The following PCLO variants were observed in gnomAD, a reference collection of about 807,000 sequenced individuals.
PCLO encodes protein piccolo.
In PCLO, 82 loss-of-function variants were observed where a neutral mutation model predicts 427.5. The ratio of observed to expected loss-of-function variants is 0.19; its 90% confidence interval spans 0.16 to 0.23. The LOEUF (loss-of-function observed/expected upper bound fraction) is 0.23, where lower values mean the gene tolerates loss of function less well. Among genes scored for constraint, PCLO ranks in the 10% least tolerant of loss-of-function variants. The pLI, the probability that PCLO is intolerant of heterozygous loss-of-function variation, is 1.00. For missense variants in PCLO, 6,239 were observed against 6,115.9 expected, an observed-to-expected ratio of 1.02 and a Z score of -0.67; for synonymous variants, 2,357 against 2,155.4, an observed-to-expected ratio of 1.09 and a Z score of -2.59.
chr7:82,863,548 G>T (rs927794725), intron 10 of PCLO, among the ~76,000 whole-genome samples: 1 of 151,804 alleles, frequency 6.6e-6, no homozygotes, highest in Non-Finnish European at 1.5e-5. Flanking sequence ...TTAATAAATA[G>T]AATTCAATTT....
chr7:83,128,196 A>G (rs543337337), intron 3 of PCLO, among the ~76,000 whole-genome samples: 3 of 152,192 alleles, frequency 2.0e-5, no homozygotes, highest in African/African-American at 7.2e-5. Context: ...CGAGACAGGG[A>G]TAAAGCCCAA....
intron 17 of PCLO, among the ~76,000 whole-genome samples, chr7:82,827,543 T>G (rs1379051054): frequency 6.6e-6 from 1 of 152,094 alleles, no homozygotes; most frequent in Non-Finnish European, 1.5e-5. Context: ...TATAGCCAGT[T>G]GGAAAATGTG....
intron 6 of PCLO, among the ~76,000 whole-genome samples, chr7:82,932,742 G>A (rs1158367384): frequency 6.6e-6 from 1 of 152,078 alleles, no homozygotes; most frequent in African/African-American, 2.4e-5. Flanking sequence ...CAAATGACAA[G>A]TATGCCTGTA....
chr7:83,066,001 C>G (rs752710143), intron 3 of PCLO, among the ~76,000 whole-genome samples: 1 of 152,078 alleles, frequency 6.6e-6, no homozygotes, highest in Non-Finnish European at 1.5e-5. Flanking sequence ...TGTATTCATC[C>G]ATGTTTCTGG....
At chr7:83,029,124 A>C (rs1489241071) in intron 3 of PCLO, among the ~76,000 whole-genome samples, 1 of 151,342 alleles carries the variant, frequency 6.6e-6, no homozygotes, top group Non-Finnish European at 1.5e-5. Context: ...TAATTAAACT[A>C]AAGAGCTTCT....
intron 3 of PCLO, among the ~76,000 whole-genome samples, chr7:83,051,780 C>T (rs1383883650): frequency 6.6e-6 from 1 of 152,100 alleles, no homozygotes; most frequent in Non-Finnish European, 1.5e-5. Context: ...AGTTGAAGGG[C>T]TGTCACGACA....
In PCLO at chr7:83,001,262, C is replaced by T. The variant is rs368949878; in HGVS notation, c.3301-34775G>A. On this transcript the variant is annotated intron_variant, in intron 3 of 24. Transcript: ENST00000333891. ...GGCAGGTAAAAAGATTCAAGACGTACGGGTACAGAAAGAGAAACAGCCAAA... is the reference window on the plus strand; with the variant it reads ...GGCAGGTAAAAAGATTCAAGACGTATGGGTACAGAAAGAGAAACAGCCAAA... 2.8e-4 allele frequency among the ~76,000 whole-genome samples: 43 copies of T among 151,878 alleles called. No homozygotes were observed. The South Asian group carries it at 3.1e-3, about 11-fold the overall frequency.
intron 3 of PCLO, among the ~76,000 whole-genome samples, chr7:83,000,437 G>T (rs1787793045): frequency 6.6e-6 from 1 of 151,956 alleles, no homozygotes; most frequent in African/African-American, 2.4e-5. Flanking sequence ...AATGTTAAAA[G>T]AAGTCCTTTA....
At chr7:82,858,348 T>C (rs1425708054) in intron 10 of PCLO, among the ~76,000 whole-genome samples, 2 of 152,182 alleles carry the variant, frequency 1.3e-5, no homozygotes, top group Admixed American at 6.5e-5. Flanking sequence ...ATGACAAATC[T>C]GCAACTAATA....
chr7:83,073,194 T>C (rs1241354121), intron 3 of PCLO, among the ~76,000 whole-genome samples: 3 of 152,028 alleles, frequency 2.0e-5, no homozygotes, highest in African/African-American at 4.8e-5. Context: ...TAAGATAATA[T>C]ACAATATTAA....
intron 12 of PCLO, 35 bp downstream of exon 12, chr7:82,846,528 CTCTT>C (rs1792507174): frequency 7.7e-7 from 1 of 1,305,930 alleles, no homozygotes; most frequent in Non-Finnish European, 1.1e-6. Flanking sequence ...CTATTTCTAT[CTCTT>C]TATTTACAGT....
intron 15 of PCLO, among the ~76,000 whole-genome samples, chr7:82,837,815 C>T (rs1792267061): frequency 1.3e-5 from 2 of 151,876 alleles, no homozygotes; most frequent in Non-Finnish European, 2.9e-5. Flanking sequence ...ATACACATGT[C>T]CTATAAAAAT....
intron 10 of PCLO, among the ~76,000 whole-genome samples, chr7:82,868,744 A>C (rs1453446441): frequency 6.6e-6 from 1 of 152,164 alleles, no homozygotes; most frequent in Non-Finnish European, 1.5e-5. Flanking sequence ...ATGCTGTGTT[A>C]CCACTGATTC....
At chr7:82,829,276 T>C (rs924739698) in intron 16 of PCLO, among the ~76,000 whole-genome samples, 1 of 152,090 alleles carries the variant, frequency 6.6e-6, no homozygotes, top group South Asian at 2.1e-4. Flanking sequence ...GTTCTGGTGG[T>C]GGGAGGTGGG....
At chr7:82,825,690 T>A (rs2115670837) in intron 18 of PCLO, among the ~76,000 whole-genome samples, 1 of 148,104 alleles carries the variant, frequency 6.8e-6, no homozygotes, top group African/African-American at 2.4e-5. Flanking sequence ...ATATATACAT[T>A]ATATATACAC....
chr7:82,780,053 C>T (rs1790839898), intron 22 of PCLO, among the ~76,000 whole-genome samples: 1 of 152,070 alleles, frequency 6.6e-6, no homozygotes, highest in Non-Finnish European at 1.5e-5. Flanking sequence ...TATTGTAAAC[C>T]TCTTTCTCAC....
Position 83,156,357 on chromosome 7 carries a change from T to C in PCLO, c.284A>G (p.Gln95Arg), listed in dbSNP as rs1288973610. The C allele has an allele frequency of 6.2e-7, 1 of 1,611,002 alleles. No homozygotes were observed. Among genetic ancestry groups the C allele is most frequent in the Non-Finnish European group, 8.5e-7 (1 of 1,178,314 alleles). The change falls in exon 2 of 25, where the codon CAA (glutamine) becomes CGA (arginine). Residue 95 changes from glutamine to arginine, a missense_variant. This residue lies in a region of PCLO where 4,677 missense variants were observed against 4,468.4 expected (regional missense o/e 1.05). Transcript: ENST00000333891. ...CCCAGGGTCCGGGGGTCTTCCTGATTGCTTTGGAGGATGACTACTATCCAA... is the reference window on the plus strand; with the variant it reads ...CCCAGGGTCCGGGGGTCTTCCTGATCGCTTTGGAGGATGACTACTATCCAA... ...QELDSSHPPK[Q>R]SGRPPDPGRP...
In PCLO at chr7:82,951,455, G is replaced by A; in HGVS notation, c.9133C>T (p.Pro3045Ser). 2 of 1,583,374 alleles carry A rather than the reference G, an allele frequency of 1.3e-6. No homozygotes were observed. Among genetic ancestry groups the A allele is most frequent in the South Asian group, 2.3e-5 (2 of 86,970 alleles). The change falls in exon 6 of 25, where the codon CCA becomes TCA. Residue 3045 changes from proline (P) to serine (S), a missense_variant. Pro to Ser is a moderately conservative substitution (Grantham distance 74, BLOSUM62 -1). Transcript: ENST00000333891. ...ATGACTTGTCGTGTTTCTGGATATGGACCTGTAGTCTTGCTTGAATAATCC... is the reference window on the plus strand; with the variant it reads ...ATGACTTGTCGTGTTTCTGGATATGAACCTGTAGTCTTGCTTGAATAATCC... ...VMDYSSKTTGPYPETRQVISG... is the reference protein window; with the variant it reads ...VMDYSSKTTGSYPETRQVISG...
intron 3 of PCLO, among the ~76,000 whole-genome samples, chr7:83,031,198 T>A (rs1022418336): frequency 2.6e-5 from 4 of 152,178 alleles, no homozygotes; most frequent in Non-Finnish European, 4.4e-5. Context: ...AACCTACAGC[T>A]CAAACTATAT....
Sources: allele counts gnomAD v4.1 joint callset (sites outside exome capture counted in the v4.1 genomes callset), GRCh38; gene constraint gnomAD v4.1.1; regional missense constraint gnomAD v4.1.1; transcripts MANE v1.5; gene names NCBI Gene and HGNC (gene_info 2026-07-23, HGNC 2026-07-21).